Variants in SLC24A2 observed in about 807,000 individuals in gnomAD.
SLC24A2 encodes the protein solute carrier family 24 member 2.
SLC24A2 carries 36 observed loss-of-function variants against 62.0 expected under a neutral mutation model. The ratio of observed to expected loss-of-function variants is 0.58; its 90% CI spans 0.44 to 0.77. SLC24A2 has a LOEUF of 0.77. Among genes scored for constraint, SLC24A2 ranks in the 30% least tolerant of loss-of-function variants. The pLI is 0.00. For synonymous variants in SLC24A2, 358 were observed against 294.0 expected, an observed-to-expected ratio of 1.22 and a Z score of -2.23; for missense variants, 846 against 817.9, an observed-to-expected ratio of 1.03 and a Z score of -0.42.
chr9:19,780,435 T>C (rs1210625725), intron 2 of SLC24A2, among the ~76,000 whole-genome samples: 2 of 151,048 alleles, frequency 1.3e-5, no homozygotes, highest in Non-Finnish European at 2.9e-5. Context: ...GCCCAGCTAA[T>C]TTTTGTATCT....
At chr9:19,949,959 T>C in the SLC24A2 span, among the ~76,000 whole-genome samples, 3 of 152,284 alleles carry the variant, frequency 2.0e-5, no homozygotes, top group East Asian at 5.8e-4. Flanking sequence ...CGGGAACTTA[T>C]TAGAAATGCA....
chr9:19,796,335 C>T, the SLC24A2 span, among the ~76,000 whole-genome samples: 1 of 151,972 alleles, frequency 6.6e-6, no homozygotes, highest in Non-Finnish European at 1.5e-5. Context: ...TATAACTGTT[C>T]ATTTCCCCTC....
the SLC24A2 span, among the ~76,000 whole-genome samples, chr9:20,035,235 A>G: frequency 6.6e-6 from 1 of 152,186 alleles, no homozygotes. Flanking sequence ...GAATGAAGTA[A>G]GTTCTAAATA....
chr9:20,013,128 G>T, the SLC24A2 span, among the ~76,000 whole-genome samples: 1 of 152,004 alleles, frequency 6.6e-6, no homozygotes, highest in Non-Finnish European at 1.5e-5. Context: ...AAAGCTGAAG[G>T]CATTACACTC....
chr9:19,994,110 C>T, the SLC24A2 span, among the ~76,000 whole-genome samples: 466 of 152,280 alleles, frequency 3.1e-3, 6 homozygotes, highest in Non-Finnish European at 1.2e-3. Context: ...TCCAGGTGAG[C>T]TGCTGTTTCC....
intron 2 of SLC24A2, among the ~76,000 whole-genome samples, chr9:19,748,304 T>C (rs1821890981): frequency 1.3e-5 from 2 of 152,328 alleles, no homozygotes; most frequent in South Asian, 4.1e-4. Context: ...ATTGCACTCA[T>C]GCAAGCCAGC....
the SLC24A2 span, among the ~76,000 whole-genome samples, chr9:19,835,004 A>G: frequency 6.6e-6 from 1 of 152,096 alleles, no homozygotes; most frequent in East Asian, 1.9e-4. Flanking sequence ...GAAATAAAAT[A>G]CTTTACAGAC....
chr9:19,722,376 T>C (rs1357101380), intron 2 of SLC24A2, among the ~76,000 whole-genome samples: 3 of 152,152 alleles, frequency 2.0e-5, no homozygotes, highest in Non-Finnish European at 4.4e-5. Context: ...TATATTTTGG[T>C]ATCACTTTAA....
the SLC24A2 span, among the ~76,000 whole-genome samples, chr9:19,826,293 T>C: frequency 6.6e-6 from 1 of 151,908 alleles, no homozygotes; most frequent in Non-Finnish European, 1.5e-5. Flanking sequence ...TCTGTTATGG[T>C]ATTAGCATAG....
At chr9:19,593,894 C>T (rs1481902884) in intron 5 of SLC24A2, among the ~76,000 whole-genome samples, 1 of 152,104 alleles carries the variant, frequency 6.6e-6, no homozygotes, top group Non-Finnish European at 1.5e-5. Context: ...TGGTTTTCTC[C>T]TCTTCAATAA....
the SLC24A2 span, among the ~76,000 whole-genome samples, chr9:20,089,695 C>T: frequency 6.6e-6 from 1 of 151,056 alleles, no homozygotes; most frequent in Non-Finnish European, 1.5e-5. Context: ...CCCGCCACCC[C>T]CTGCCCACCA....
At chr9:20,041,438 C>T in the SLC24A2 span, among the ~76,000 whole-genome samples, 1 of 152,202 alleles carries the variant, frequency 6.6e-6, no homozygotes, top group Non-Finnish European at 1.5e-5. Flanking sequence ...TGTCACTTAC[C>T]AAATACAAAA....
chr9:19,530,335 T>A (rs959626963), intron 8 of SLC24A2, among the ~76,000 whole-genome samples: 1 of 152,088 alleles, frequency 6.6e-6, no homozygotes, highest in Non-Finnish European at 1.5e-5. Flanking sequence ...CCCCAACCAA[T>A]GGTTGATTCT....
chr9:19,783,890 T>G (rs1361879959), intron 2 of SLC24A2, among the ~76,000 whole-genome samples: 1 of 152,218 alleles, frequency 6.6e-6, no homozygotes, highest in Non-Finnish European at 1.5e-5. Context: ...CTGGAATAAA[T>G]TAAAGCTATT....
At chr9:19,532,968 T>C (rs1833778304) in intron 8 of SLC24A2, among the ~76,000 whole-genome samples, 1 of 152,216 alleles carries the variant, frequency 6.6e-6, no homozygotes, top group African/African-American at 2.4e-5. Flanking sequence ...AAAGACTTGG[T>C]CCTCATTGAA....
At chr9:20,304,882 C>G in the SLC24A2 span, among the ~76,000 whole-genome samples, 1 of 151,590 alleles carries the variant, frequency 6.6e-6, no homozygotes, top group Non-Finnish European at 1.5e-5. Context: ...TATGAGCTCA[C>G]CTGGGTCACG....
intron 2 of SLC24A2, among the ~76,000 whole-genome samples, chr9:19,726,820 T>C (rs1296916549): frequency 6.6e-6 from 1 of 152,212 alleles, no homozygotes; most frequent in Non-Finnish European, 1.5e-5. Context: ...TTCAACGTGA[T>C]ATACACAGCC....
the SLC24A2 span, among the ~76,000 whole-genome samples, chr9:20,022,199 T>C: frequency 6.6e-6 from 1 of 152,210 alleles, no homozygotes; most frequent in East Asian, 1.9e-4. Context: ...GCATCTTGTA[T>C]CTTTTAAATT....
chr9:19,897,488 C>A, the SLC24A2 span, among the ~76,000 whole-genome samples: 1 of 151,894 alleles, frequency 6.6e-6, no homozygotes. Flanking sequence ...ATGTATATGT[C>A]AATATATTTA....
Sources: gnomAD v4.1 joint callset for allele counts (sites outside exome capture counted in the v4.1 genomes callset) on GRCh38, gnomAD v4.1.1 for gene constraint, MANE v1.5 for transcripts, NCBI Gene and HGNC (gene_info 2026-07-23, HGNC 2026-07-21) for gene names.